The following ALPK1 variants were observed in gnomAD, a reference collection of about 807,000 sequenced individuals.
ALPK1 encodes alpha kinase 1, also known as alpha-protein kinase 1.
ALPK1 carries 110 observed loss-of-function variants against 120.6 expected under a neutral mutation model. The observed-to-expected ratio is 0.91, with a 90% CI of 0.78 to 1.07. The LOEUF (loss-of-function observed/expected upper bound fraction) is 1.07. Ranked by LOEUF, ALPK1 falls within the 50% of genes least tolerant of loss-of-function variation. The pLI is 0.00. For missense variants in ALPK1, 1,498 were observed against 1,483.9 expected (o/e 1.01, Z -0.16); for synonymous variants, 582 against 560.3 (o/e 1.04, Z -0.55).
intron 4 of ALPK1, among the ~76,000 whole-genome samples, chr4:112,404,826 G>A (rs1183797945): frequency 6.6e-6 from 1 of 152,130 alleles, no homozygotes; most frequent in Non-Finnish European, 1.5e-5. Flanking sequence ...GAAATAATTT[G>A]ATCCTTTTGA....
At chr4:112,439,907 A>G (rs1183072648) in intron 14 of ALPK1, 35 bp downstream of exon 14, 1 of 1,502,048 alleles carries the variant, frequency 6.7e-7, no homozygotes, top group South Asian at 1.3e-5. Flanking sequence ...TATTTTTAAT[A>G]TTATATGTAA....
intron 2 of ALPK1, among the ~76,000 whole-genome samples, chr4:112,333,244 A>G (rs183647264): frequency 6.6e-6 from 1 of 152,342 alleles, no homozygotes; most frequent in East Asian, 1.9e-4. Flanking sequence ...ATGCCTCTCC[A>G]ATATCCTCTC....
chr4:112,409,220 G>C (rs191697381), intron 4 of ALPK1, among the ~76,000 whole-genome samples: 160 of 152,178 alleles, frequency 1.1e-3, no homozygotes, highest in Non-Finnish European at 2.0e-3. Context: ...CTGGTCGTGG[G>C]GTGGAGAAAA....
At chr4:112,365,814 A>T (rs922424927) in intron 2 of ALPK1, among the ~76,000 whole-genome samples, 2 of 152,232 alleles carry the variant, frequency 1.3e-5, no homozygotes, top group Admixed American at 6.5e-5. Context: ...CTATACTATA[A>T]GGCCATAGTC....
At chr4:112,413,886 C>G (rs1212641971) in intron 5 of ALPK1, among the ~76,000 whole-genome samples, 2 of 152,160 alleles carry the variant, frequency 1.3e-5, no homozygotes, top group African/African-American at 4.8e-5. Context: ...ACATAAAGGT[C>G]CTGGATCTTT....
chr4:112,302,250 G>GT (rs1053803365), intron 1 of ALPK1: 59 of 152,046 alleles, frequency 3.9e-4, no homozygotes, highest in African/African-American at 1.3e-3. Flanking sequence ...AAGCACAATC[G>GT]TAAGTGCTTA....
chr4:112,385,766 G>A (rs1230864506), intron 4 of ALPK1, among the ~76,000 whole-genome samples: 1 of 152,100 alleles, frequency 6.6e-6, no homozygotes, highest in Non-Finnish European at 1.5e-5. Context: ...TGTCAGAGCT[G>A]GATGGTCATA....
intron 2 of ALPK1, among the ~76,000 whole-genome samples, chr4:112,349,545 A>AACCTCCCACCC (rs1560647747): frequency 1.2e-5 from 1 of 82,436 alleles, no homozygotes; most frequent in Non-Finnish European, 2.2e-5. Context: ...TACCGCCCCA[A>AACCTCCCACCC]CCCCTGCCCC....
intron 2 of ALPK1, chr4:112,357,802 T>C: frequency 2.0e-6 from 2 of 1,017,270 alleles, no homozygotes; most frequent in East Asian, 4.7e-5. Flanking sequence ...CTTCTTCCCT[T>C]CATATCCCAT....
At chr4:112,379,921 G>T (rs898585471) in intron 3 of ALPK1, among the ~76,000 whole-genome samples, 15 of 152,214 alleles carry the variant, frequency 9.9e-5, no homozygotes, top group African/African-American at 3.6e-4. Flanking sequence ...AGGCAAAAAT[G>T]AGTTAGTTGT....
intron 2 of ALPK1, chr4:112,359,082 A>G: frequency 1.3e-6 from 1 of 745,332 alleles, no homozygotes; most frequent in Non-Finnish European, 2.5e-6. Flanking sequence ...CCCCACTGGA[A>G]GGACAGCGCC....
intron 1 of ALPK1, among the ~76,000 whole-genome samples, chr4:112,305,625 C>G (rs1728012330): frequency 1.3e-5 from 2 of 151,934 alleles, no homozygotes; most frequent in African/African-American, 4.8e-5. Context: ...CAGACGTTGC[C>G]TATCAGTTTA....
At chr4:112,320,342 A>T (rs1728814123) in intron 2 of ALPK1, among the ~76,000 whole-genome samples, 1 of 152,210 alleles carries the variant, frequency 6.6e-6, no homozygotes, top group Non-Finnish European at 1.5e-5. Context: ...GTGGTGTATC[A>T]CATTTATTGC....
At chr4:112,403,843 T>A (rs1263589593) in intron 4 of ALPK1, among the ~76,000 whole-genome samples, 2 of 152,216 alleles carry the variant, frequency 1.3e-5, no homozygotes, top group African/African-American at 2.4e-5. Context: ...GCTTTTGTGC[T>A]CCAATCTATT....
intron 1 of ALPK1, among the ~76,000 whole-genome samples, chr4:112,308,992 T>C (rs1460233036): frequency 2.0e-5 from 3 of 152,156 alleles, no homozygotes; most frequent in African/African-American, 4.8e-5. Flanking sequence ...TGCAGGTCTG[T>C]TGGAGTTTGC....
At chr4:112,366,210 G>T (rs950114539) in intron 2 of ALPK1, among the ~76,000 whole-genome samples, 33 of 152,012 alleles carry the variant, frequency 2.2e-4, no homozygotes, top group Non-Finnish European at 4.7e-4. Flanking sequence ...ATAAATAAAT[G>T]AGATTAATTA....
At chr4:112,356,725 G>C in intron 2 of ALPK1, 1 of 958,250 alleles carries the variant, frequency 1.0e-6, no homozygotes, top group Non-Finnish European at 1.7e-6. Context: ...ACTTGGTCAA[G>C]AGGGGAAGCA....
intron 2 of ALPK1, among the ~76,000 whole-genome samples, chr4:112,325,626 G>A (rs1311302230): frequency 6.6e-6 from 1 of 152,126 alleles, no homozygotes; most frequent in Non-Finnish European, 1.5e-5. Flanking sequence ...CAATCGTACG[G>A]CGTTTTGTTA....
intron 2 of ALPK1, among the ~76,000 whole-genome samples, chr4:112,370,654 T>C (rs928857254): frequency 3.9e-5 from 6 of 152,232 alleles, no homozygotes; most frequent in African/African-American, 1.4e-4. Context: ...CTGTTATGCC[T>C]AACAATGAGC....
Sources: gnomAD v4.1 joint callset for allele counts (sites outside exome capture counted in the v4.1 genomes callset) on GRCh38, gnomAD v4.1.1 for gene constraint, MANE v1.5 for transcripts, NCBI Gene and HGNC (gene_info 2026-07-23, HGNC 2026-07-21) for gene names.